Variants in CIZ1 observed in about 807,000 individuals in gnomAD.
CIZ1 encodes CDKN1A interacting zinc finger protein 1.
In CIZ1, 58 loss-of-function variants were observed where a neutral mutation model predicts 118.6. That is an observed-to-expected ratio of 0.49 (90% CI 0.40 to 0.61). The LOEUF is 0.61. Among genes scored for constraint, CIZ1 ranks in the 20% least tolerant of loss-of-function variants. CIZ1 has a pLI of 0.00. For missense variants in CIZ1, 921 were observed against 1,115.9 expected (o/e 0.83, Z 2.49); for synonymous variants, 448 against 443.4 (o/e 1.01, Z -0.13).
At chr9:128,189,231 A>G (rs1231881105) in intron 3 of CIZ1, among the ~76,000 whole-genome samples, 1 of 152,000 alleles carries the variant, frequency 6.6e-6, no homozygotes, top group Non-Finnish European at 1.5e-5. Context: ...GCCACAACCC[A>G]TGGCTGAAGG....
chr9:128,169,985 G>C, intron 12 of CIZ1, 35 bp downstream of exon 12: 1 of 1,571,658 alleles, frequency 6.4e-7, no homozygotes, highest in South Asian at 1.1e-5. Flanking sequence ...GCAGACGGCA[G>C]TGCGGGTGCC....
Position 128,185,723 on chromosome 9 carries a change from T to C in CIZ1, c.412A>G (p.Thr138Ala). 1 of 1,612,502 alleles carries C rather than the reference T, an allele frequency of 6.2e-7. No individual in the cohort carries two copies. Among genetic ancestry groups the C allele is most frequent in the Non-Finnish European group, 8.5e-7 (1 of 1,179,246 alleles). Residue 138 changes from threonine to alanine, a missense_variant, in exon 5 of 17, where the codon ACA (threonine) becomes GCA (alanine). Transcript: ENST00000372938. ...TTTGGAGTGGCCAGTTGTGGGGGTG[T>C]GAGGCTGGGGGCTGCGAGGCCTGGG... Reference protein sequence around the residue: ...ASPGLAAPSLTPPQLATPNLQ... With the variant: ...ASPGLAAPSLAPPQLATPNLQ...
chr9:128,203,746 G>C lies in CIZ1; in HGVS notation c.-6+440C>G. On this transcript the variant is annotated intron_variant, in intron 1 of 17. Transcript: ENST00000372948. The surrounding 1 kb of genome is among the most constrained non-coding windows in gnomAD (Gnocchi z 5.3). ...AGCCCCCGACGCTGCACCCGCGGCC[G>C]GCGCGCCCCCCACCCCCAGCCGGAG... The C allele has an allele frequency of 2.9e-6, 3 of 1,018,974 alleles. No individual in the cohort carries two copies. Among genetic ancestry groups the C allele is most frequent in the South Asian group, 7.1e-5 (2 of 28,000 alleles). The allele number at this position is 1,018,974 out of a possible 1,614,324, so 63.1% of individuals were successfully genotyped here.
chr9:128,190,515 A>G, intron 2 of CIZ1, 71 bp from the exon 3 acceptor site: 1 of 1,387,424 alleles, frequency 7.2e-7, no homozygotes, highest in African/African-American at 1.4e-5. Context: ...AAGGCTTCTC[A>G]CCTCCATTCT....
rs1829915004 is a variant in CIZ1, at chr9:128,169,826, T to G, written c.2031+194A>C. 2.8e-6 allele frequency: 3 copies of G among 1,076,172 alleles called. No individual in the cohort carries two copies. The East Asian group carries it at 7.7e-5, about 28-fold the overall frequency. 66.7% of individuals were successfully genotyped at this position (1,076,172 alleles called of 1,614,324 possible). ...GCTGAATGGCAGGTGAGATGGGGCC[T>G]GGCCTACACTGGACAGATGGGGAAC... is the stretch of plus-strand genomic sequence containing the variant. On this transcript the variant is annotated intron_variant, in intron 12 of 16. Coordinates refer to ENST00000372938, the MANE Select transcript of CIZ1 (RefSeq NM_001131016.2).
Position 128,203,323 on chromosome 9 carries a change from G to A in CIZ1, c.-6+863C>T, listed in dbSNP as rs976791968. 28 of 659,186 alleles carry A rather than the reference G, an allele frequency of 4.2e-5. No homozygotes were observed. The highest frequency in any genetic ancestry group is 2.9e-4 in the African/African-American group (15 of 51,544). 40.8% of individuals were successfully genotyped at this position (659,186 alleles called of 1,614,324 possible). A position where few individuals can be genotyped will look rare whatever the true frequency, so the allele number is the denominator to read the frequency against. ...AGCGCCGCGGGCTCCCCCTAGCGGC[G>A]TCCGGGAGCGGTGCTCGCTCCGATC... On this transcript the variant is annotated intron_variant, in intron 1 of 17. Coordinates refer to the CIZ1 transcript ENST00000372948. The surrounding 1 kb of genome is among the most constrained non-coding windows in gnomAD (Gnocchi z 5.3).
chr9:128,176,078 C>T (rs767049539), intron 11 of CIZ1, among the ~76,000 whole-genome samples: 1 of 152,208 alleles, frequency 6.6e-6, no homozygotes, highest in Admixed American at 6.5e-5. Flanking sequence ...GAGTCTGTGC[C>T]ACAACCTGTC....
At chr9:128,195,633 G>T (rs1358743054), upstream of CIZ1, among the ~76,000 whole-genome samples, 1 of 151,702 alleles carries the variant, frequency 6.6e-6, no homozygotes, top group Non-Finnish European at 1.5e-5. Flanking sequence ...GACCTATTCT[G>T]CTCCAGGACT....
upstream of CIZ1, chr9:128,191,592 C>A (rs1564303468): frequency 1.7e-6 from 2 of 1,164,956 alleles, no homozygotes; most frequent in Non-Finnish European, 2.1e-6. The surrounding 1 kb of genome is among the most constrained non-coding windows in gnomAD (Gnocchi z 5.5). Flanking sequence ...CGGGCGGGGC[C>A]GGCCGGGGCA....
chr9:128,189,648 C>T (rs1412656706), intron 3 of CIZ1, among the ~76,000 whole-genome samples: 3 of 151,722 alleles, frequency 2.0e-5, no homozygotes, highest in Admixed American at 1.3e-4. Flanking sequence ...GGGGAAACCC[C>T]GTCTCTACTA....
intron 11 of CIZ1, 94 bp from the exon 12 acceptor site, chr9:128,170,201 A>G (rs1299882072): frequency 2.9e-6 from 3 of 1,030,622 alleles, no homozygotes; most frequent in South Asian, 2.7e-5. Flanking sequence ...TCCAATAGCA[A>G]CTCCCACAGG....
chr9:128,178,490 C>A lies in CIZ1; in HGVS notation c.1499G>T (p.Gly500Val). Reference protein sequence around the residue: ...MPPDAVEAGGGMEKTLPEPVG... With the variant: ...MPPDAVEAGGVMEKTLPEPVG... ...AGGCTCTGGCAAGGTCTTTTCCATG[C>A]CTGAAATGACAGATGTGCTGTATTT... is the stretch of plus-strand genomic sequence containing the variant. The change falls in exon 9 of 17, where the codon GGC becomes GTC. Residue 500 changes from glycine to valine, a missense_variant and splice_region_variant. Gly to Val is a moderately radical substitution (Grantham distance 109). Coordinates refer to ENST00000372938, the MANE Select transcript of CIZ1 (RefSeq NM_001131016.2). The A allele has an allele frequency of 6.2e-7, 1 of 1,614,192 alleles. No homozygotes were observed. The highest frequency in any genetic ancestry group is 8.5e-7 in the Non-Finnish European group (1 of 1,180,018).
At chr9:128,187,217 A>G (rs1292224054) in intron 4 of CIZ1, among the ~76,000 whole-genome samples, 1 of 152,208 alleles carries the variant, frequency 6.6e-6, no homozygotes, top group Non-Finnish European at 1.5e-5. Context: ...CTGGGATTAC[A>G]GGCGTGAGCC....
chr9:128,170,748 A>G (rs1830028840), intron 11 of CIZ1, among the ~76,000 whole-genome samples: 1 of 152,254 alleles, frequency 6.6e-6, no homozygotes, highest in Non-Finnish European at 1.5e-5. Context: ...TACTTGGAGA[A>G]GAAACGCCTT....
intron 2 of CIZ1, 77 bp from the exon 3 acceptor site, chr9:128,190,521 A>C: frequency 4.4e-6 from 6 of 1,375,986 alleles, no homozygotes; most frequent in Non-Finnish European, 6.0e-6. Context: ...TCTCACCTCC[A>C]TTCTCTGCCC....
At chr9:128,173,898 C>T (rs975017192) in intron 11 of CIZ1, among the ~76,000 whole-genome samples, 1 of 151,798 alleles carries the variant, frequency 6.6e-6, no homozygotes, top group African/African-American at 2.4e-5. Flanking sequence ...CCCAGCTACT[C>T]GGGAGGCGGA....
chr9:128,169,688 G>A (rs754041232), intron 12 of CIZ1, 169 bp from the exon 13 acceptor site: 47 of 1,536,788 alleles, frequency 3.1e-5, no homozygotes, highest in South Asian at 4.8e-5. Context: ...ACATCTCTTC[G>A]TGGTGTGGGT....
chr9:128,178,584 A>G (rs1831165328), intron 8 of CIZ1, 94 bp from the exon 9 acceptor site: 6 of 1,599,406 alleles, frequency 3.8e-6, no homozygotes, highest in Non-Finnish European at 5.1e-6. Context: ...CCCAGCATGG[A>G]TGGCCCTGGA....
At chr9:128,192,165 G>A (rs1370104046), upstream of CIZ1, among the ~76,000 whole-genome samples, 3 of 152,090 alleles carry the variant, frequency 2.0e-5, no homozygotes, top group African/African-American at 7.2e-5. Context: ...CGAGGCTGGA[G>A]GATCAAGACC....
Sources: allele counts gnomAD v4.1 joint callset (sites outside exome capture counted in the v4.1 genomes callset), GRCh38; gene constraint gnomAD v4.1.1; non-coding constraint Gnocchi (gnomAD v3.1); transcripts MANE v1.5; gene names NCBI Gene and HGNC (gene_info 2026-07-23, HGNC 2026-07-21).